MSH4: variants seen among roughly 807,000 people sequenced by gnomAD.
The protein encoded by MSH4 is mutS protein homolog 4.
A neutral mutation model predicts 113.7 loss-of-function variants in MSH4; 106 were observed. The observed-to-expected ratio is 0.93, with a 90% CI of 0.80 to 1.10. The LOEUF is 1.10. MSH4 is among the 50% of genes least tolerant of loss of function. The probability of loss-of-function intolerance (pLI) is 0.00; values close to 1 mark genes in which losing one functional copy is unlikely to be tolerated. For synonymous variants in MSH4, 368 were observed against 380.2 expected (o/e 0.97, Z 0.37); for missense variants, 1,061 against 1,093.7 (o/e 0.97, Z 0.42).
chr1:75,880,267 T>C, intron 13 of MSH4, 114 bp downstream of exon 13: 1 of 605,020 alleles, frequency 1.7e-6, no homozygotes, highest in Non-Finnish European at 2.8e-6. Context: ...GAATTATGCA[T>C]GTTAGCAAAG....
At chr1:75,898,678 C>A (rs1652437794) in intron 18 of MSH4, among the ~76,000 whole-genome samples, 1 of 151,940 alleles carries the variant, frequency 6.6e-6, no homozygotes, top group African/African-American at 2.4e-5. Flanking sequence ...ACCACCATGC[C>A]CAGCTAGATA....
At chr1:75,873,728 C>A (rs1287696561) in intron 9 of MSH4, among the ~76,000 whole-genome samples, 1 of 151,478 alleles carries the variant, frequency 6.6e-6, no homozygotes, top group Non-Finnish European at 1.5e-5. Flanking sequence ...CATGTCCCTG[C>A]AAAAGACATG....
At chr1:75,862,440 TTAAAC>T (rs1258976527) in intron 8 of MSH4, among the ~76,000 whole-genome samples, 2 of 152,192 alleles carry the variant, frequency 1.3e-5, no homozygotes, top group Non-Finnish European at 2.9e-5. Flanking sequence ...TTCCCATCCT[TTAAAC>T]TAAGGAAAAC....
rs527449528 is a variant in MSH4 at position 75,868,062 on chromosome 1, C to G, written c.1305+474C>G. Among the ~76,000 whole-genome samples the G allele has an allele frequency of 8.5e-5, 13 of 152,094 alleles. No homozygotes were observed. The East Asian group carries it at 1.7e-3, about 20-fold the overall frequency. ...CCTTTGAAGTGGAGAAGTTTCTCAG[C>G]CTTTGTTCATGATACTGACATTTTG... On this transcript the variant is annotated intron_variant, in intron 9 of 19. Coordinates refer to ENST00000263187, the MANE Select transcript of MSH4 (RefSeq NM_002440.4).
chr1:75,833,980 C>T (rs2100533133), intron 7 of MSH4, among the ~76,000 whole-genome samples: 1 of 152,292 alleles, frequency 6.6e-6, no homozygotes, highest in South Asian at 2.1e-4. Flanking sequence ...AAGAAACTAT[C>T]ATCAGAGTGA....
chr1:75,886,084 TTA>T (rs1652097056), intron 15 of MSH4, among the ~76,000 whole-genome samples: 1 of 16,450 alleles, frequency 6.1e-5, no homozygotes, highest in African/African-American at 3.2e-4. Flanking sequence ...ATATGATGTA[TTA>T]TATATAGCAT....
chr1:75,799,537 A>C (rs1649891063), intron 1 of MSH4, among the ~76,000 whole-genome samples: 1 of 152,230 alleles, frequency 6.6e-6, no homozygotes, highest in Non-Finnish European at 1.5e-5. Context: ...GTGCACCTTG[A>C]ACTGGTCTTC....
In MSH4 at chr1:75,854,011, G is replaced by GTATATA. The variant is rs72458089; in HGVS notation, c.1230+5736_1230+5737insATATAT. ...TCATGGCTAGGGCATAAGTGTGTGT[G>GTATATA]TGTATATATATATATATGCATAAAT... On this transcript the variant is annotated intron_variant, in intron 8 of 19. Coordinates refer to ENST00000263187, the MANE Select transcript of MSH4 (RefSeq NM_002440.4). 5.7e-3 allele frequency among the ~76,000 whole-genome samples: 633 copies of GTATATA among 112,010 alleles called. 10 individuals are homozygous for GTATATA. Among genetic ancestry groups the GTATATA allele is most frequent in the African/African-American group, 9.8e-3 (349 of 35,728 alleles). 73.5% of individuals were successfully genotyped at this position (112,010 alleles called of 152,430 possible). A position where few individuals can be genotyped will look rare whatever the true frequency, so the allele number is the denominator to read the frequency against.
intron 7 of MSH4, among the ~76,000 whole-genome samples, chr1:75,827,570 A>G (rs1370633878): frequency 1.3e-5 from 2 of 151,874 alleles, no homozygotes; most frequent in Non-Finnish European, 2.9e-5. Context: ...AAGACCCATC[A>G]GTGTGCTGTA....
At chr1:75,884,894 C>G (rs1287358920) in intron 15 of MSH4, among the ~76,000 whole-genome samples, 2 of 151,320 alleles carry the variant, frequency 1.3e-5, no homozygotes, top group Non-Finnish European at 2.9e-5. Flanking sequence ...TATAAGAATA[C>G]TGTCTGATTC....
chr1:75,840,076 G>A (rs1302564061), intron 7 of MSH4, among the ~76,000 whole-genome samples: 1 of 152,092 alleles, frequency 6.6e-6, no homozygotes, highest in Non-Finnish European at 1.5e-5. Flanking sequence ...TGGTGGGACT[G>A]TAAACTAGTT....
At position 75,889,293 on chromosome 1, in the gene MSH4, A is replaced by G; in HGVS notation, c.2150A>G (p.Lys717Arg). The G allele has an allele frequency of 6.5e-7, 1 of 1,539,152 alleles. No individual in the cohort carries two copies. Among genetic ancestry groups the G allele is most frequent in the Non-Finnish European group, 8.9e-7 (1 of 1,123,222 alleles). ...PAEYSSFRIAKQIFTRISTDD... is the reference protein window; with the variant it reads ...PAEYSSFRIARQIFTRISTDD... Reference sequence around the variant, plus strand: ...GAATATTCTTCCTTTAGAATTGCTAAACAGATTTTTACAAGAATTAGTACT... The same window carrying G: ...GAATATTCTTCCTTTAGAATTGCTAGACAGATTTTTACAAGAATTAGTACT... The change falls in exon 16 of 20, where the codon AAA (lysine) becomes AGA (arginine). Residue 717 changes from lysine to arginine, a missense_variant. Transcript: ENST00000263187.
chr1:75,846,375 T>C (rs549928309), intron 7 of MSH4, among the ~76,000 whole-genome samples: 1 of 152,376 alleles, frequency 6.6e-6, no homozygotes, highest in African/African-American at 2.4e-5. Flanking sequence ...AAATGTCATC[T>C]TTAAAGTATT....
intron 1 of MSH4, among the ~76,000 whole-genome samples, chr1:75,803,056 C>T (rs1649974365): frequency 6.6e-6 from 1 of 152,124 alleles, no homozygotes; most frequent in Admixed American, 6.5e-5. Flanking sequence ...CCCATCACCT[C>T]TTAAAGGCCC....
At chr1:75,856,848 T>A (rs1651329799) in intron 8 of MSH4, among the ~76,000 whole-genome samples, 1 of 152,226 alleles carries the variant, frequency 6.6e-6, no homozygotes, top group Admixed American at 6.5e-5. Flanking sequence ...TTCTAGATCC[T>A]TGAGGAATCA....
intron 7 of MSH4, among the ~76,000 whole-genome samples, chr1:75,835,839 T>C (rs1290842319): frequency 1.3e-5 from 2 of 152,210 alleles, no homozygotes; most frequent in Non-Finnish European, 2.9e-5. Flanking sequence ...TGCAATCTTA[T>C]TTCTGTGCCC....
intron 19 of MSH4, among the ~76,000 whole-genome samples, chr1:75,902,200 G>C (rs1447881621): frequency 6.6e-6 from 1 of 151,684 alleles, no homozygotes; most frequent in Non-Finnish European, 1.5e-5. Flanking sequence ...CCTATTTTTT[G>C]TTTATTTTTA....
At chr1:75,807,585 C>T (rs886401654) in intron 3 of MSH4, among the ~76,000 whole-genome samples, 2 of 152,092 alleles carry the variant, frequency 1.3e-5, no homozygotes, top group African/African-American at 4.8e-5. Flanking sequence ...TTTGGTTGTA[C>T]ACAAGATAGT....
At chr1:75,823,206 G>C (rs935549513) in intron 7 of MSH4, among the ~76,000 whole-genome samples, 9 of 152,064 alleles carry the variant, frequency 5.9e-5, no homozygotes, top group Non-Finnish European at 1.2e-4. Context: ...TCACATTGTC[G>C]TCTTATAAAG....
Sources: gnomAD v4.1 joint callset for allele counts (sites outside exome capture counted in the v4.1 genomes callset) on GRCh38, gnomAD v4.1.1 for gene constraint, MANE v1.5 for transcripts, NCBI Gene and HGNC (gene_info 2026-07-23, HGNC 2026-07-21) for gene names.